PPA2: variants seen among roughly 807,000 people sequenced by gnomAD.
PPA2 encodes the protein inorganic pyrophosphatase 2.
PPA2 carries 48 observed loss-of-function variants against 49.5 expected under a neutral mutation model. The observed-to-expected ratio is 0.97, with a 90% confidence interval of 0.77 to 1.23. PPA2 has a LOEUF of 1.23. Ranked by LOEUF, PPA2 falls within the 50% of genes most tolerant of loss-of-function variation. The probability of loss-of-function intolerance (pLI) is 0.00; values close to 1 mark genes in which losing one functional copy is unlikely to be tolerated. For missense variants in PPA2, 429 were observed against 410.1 expected (o/e 1.05, Z -0.40); for synonymous variants, 131 against 139.9 (o/e 0.94, Z 0.45).
intron 9 of PPA2, among the ~76,000 whole-genome samples, chr4:105,388,467 G>C (rs1322281499): frequency 3.3e-5 from 5 of 152,032 alleles, no homozygotes; most frequent in Admixed American, 6.6e-5. Flanking sequence ...AAAATGTCTT[G>C]ACAAGTAACC....
Position 105,474,044 on chromosome 4 carries a change from C to T in PPA2, c.7G>A (p.Ala3Thr), listed in dbSNP as rs1213146574. Reference sequence around the variant, plus strand: ...CCCGTGCGCAGCAGCCGCAGCAGCGCGCTCATGGCGTCAATGACGGTCCTG... The same window carrying T: ...CCCGTGCGCAGCAGCCGCAGCAGCGTGCTCATGGCGTCAATGACGGTCCTG... MS[A>T]LLRLLRTGAP... is the part of the protein sequence containing the mutation. The change falls in exon 1 of 12, where the codon GCG (alanine) becomes ACG (threonine). Residue 3 changes from alanine to threonine, a missense_variant. Ala to Thr is a moderately conservative substitution (Grantham distance 58). Coordinates refer to ENST00000341695, the MANE Select transcript of PPA2 (RefSeq NM_176869.3). The T allele has an allele frequency of 3.2e-6, 5 of 1,584,708 alleles. No homozygotes were observed. The highest frequency in any genetic ancestry group is 1.4e-5 in the African/African-American group (1 of 73,958).
chr4:105,379,466 T>TAGATA (rs70964651), intron 10 of PPA2, among the ~76,000 whole-genome samples: 5,589 of 97,828 alleles, frequency 0.057, 119 homozygotes, highest in South Asian at 0.09. Context: ...GATAGATAGA[T>TAGATA]ATCTCAAGCA....
chr4:105,431,753 A>T (rs1307818693), intron 6 of PPA2, among the ~76,000 whole-genome samples: 2 of 152,234 alleles, frequency 1.3e-5, no homozygotes, highest in East Asian at 3.8e-4. Context: ...CAGCCATAAA[A>T]AGGAATGAAG....
Position 105,399,154 on chromosome 4 carries a change from A to G in PPA2, c.666T>C (p.Asp222=). The part of the protein sequence containing the change: ...PEASKFHDID[D]VKKFKPGYLE... The stretch of plus-strand genomic sequence containing the variant: ...GGTAACCCGGTTTGAACTTCTTAAC[A>G]TCATCAATATCTGTAAAGAAAAAAA... Residue 222 remains aspartate (D), a synonymous_variant, in exon 8 of 12, where the codon GAT becomes GAC. Transcript: ENST00000341695. The G allele has an allele frequency of 6.3e-7, 1 of 1,591,442 alleles. No individual in the cohort carries two copies. The highest frequency in any genetic ancestry group is 8.5e-7 in the Non-Finnish European group (1 of 1,173,896).
intron 4 of PPA2, 48 bp downstream of exon 4, chr4:105,449,302 A>T: frequency 1.8e-6 from 2 of 1,101,220 alleles, no homozygotes; most frequent in Non-Finnish European, 2.6e-6. Context: ...ACAAAGTTTT[A>T]TATCATTATA....
At chr4:105,440,335 C>T (rs1724292142) in intron 5 of PPA2, among the ~76,000 whole-genome samples, 1 of 151,794 alleles carries the variant, frequency 6.6e-6, no homozygotes, top group Non-Finnish European at 1.5e-5. Flanking sequence ...GATCTTGGCT[C>T]ACTGCAAGCT....
intron 10 of PPA2, among the ~76,000 whole-genome samples, chr4:105,385,962 C>A (rs1733663426): frequency 6.6e-6 from 1 of 150,722 alleles, no homozygotes; most frequent in Admixed American, 6.7e-5. Flanking sequence ...TCACTGCAAC[C>A]TTTGCCTCCC....
intron 10 of PPA2, among the ~76,000 whole-genome samples, chr4:105,376,343 T>G (rs1733250105): frequency 6.6e-6 from 1 of 152,208 alleles, no homozygotes. Flanking sequence ...TGGATACTGT[T>G]GCTTTACTGA....
intron 2 of PPA2, chr4:105,456,141 A>G (rs1722866206): frequency 2.4e-6 from 1 of 408,284 alleles, no homozygotes; most frequent in Non-Finnish European, 4.7e-6. Flanking sequence ...TTCAAACACC[A>G]CCATTTTTAC....
chr4:105,384,489 C>T (rs1312871270), intron 10 of PPA2, among the ~76,000 whole-genome samples: 1 of 152,094 alleles, frequency 6.6e-6, no homozygotes, highest in Non-Finnish European at 1.5e-5. Flanking sequence ...GAGCCTCTCG[C>T]TAATTTTAAG....
intron 9 of PPA2, among the ~76,000 whole-genome samples, chr4:105,395,987 G>A (rs555969079): frequency 2.0e-5 from 3 of 151,996 alleles, no homozygotes; most frequent in East Asian, 1.9e-4. Context: ...GAAAAATTGC[G>A]TTTTTCATCT....
At chr4:105,427,717 G>A (rs942017289) in intron 6 of PPA2, among the ~76,000 whole-genome samples, 18 of 152,318 alleles carry the variant, frequency 1.2e-4, no homozygotes, top group African/African-American at 3.8e-4. Context: ...CCAAAACTAC[G>A]TTTGATTGGT....
chr4:105,438,109 T>C lies in PPA2; in HGVS notation c.442-73A>G, dbSNP rs538394501. 34 of 1,072,298 alleles carry C rather than the reference T, an allele frequency of 3.2e-5. 1 individual carries two copies. In the East Asian group the frequency reaches 8.1e-4, roughly 25 times the overall value. The allele number at this position is 1,072,298 out of a possible 1,614,324, so 66.4% of individuals were successfully genotyped here. On this transcript the variant is annotated intron_variant, in intron 5 of 11. Transcript: ENST00000341695. The stretch of plus-strand genomic sequence containing the variant: ...AATGTACTTTAATCTTTCCACATAA[T>C]CACAAAGTTTTATAGATAACAATAA...
intron 7 of PPA2, among the ~76,000 whole-genome samples, chr4:105,417,972 A>G (rs1560621592): frequency 6.6e-6 from 1 of 152,200 alleles, no homozygotes; most frequent in Non-Finnish European, 1.5e-5. Context: ...ACCATGCCCC[A>G]TGCCCCATCC....
intron 3 of PPA2, 93 bp downstream of exon 3, chr4:105,453,505 A>T: frequency 1.0e-6 from 1 of 986,858 alleles, no homozygotes; most frequent in Non-Finnish European, 1.4e-6. Context: ...AGGGGTAAAA[A>T]CCTTAGAATC....
At chr4:105,379,258 T>C (rs1434740130) in intron 10 of PPA2, among the ~76,000 whole-genome samples, 2 of 152,070 alleles carry the variant, frequency 1.3e-5, no homozygotes, top group Non-Finnish European at 2.9e-5. Context: ...TTTTGTATTT[T>C]TGATACCATT....
At chr4:105,411,267 T>C (rs1722742945) in intron 7 of PPA2, among the ~76,000 whole-genome samples, 1 of 152,030 alleles carries the variant, frequency 6.6e-6, no homozygotes, top group Non-Finnish European at 1.5e-5. Context: ...TCCTAGTCTC[T>C]GATAAAAAAA....
intron 10 of PPA2, among the ~76,000 whole-genome samples, chr4:105,375,549 GAGA>G (rs1303787764): frequency 6.6e-6 from 1 of 152,056 alleles, no homozygotes; most frequent in African/African-American, 2.4e-5. Context: ...CTCTTTGATG[GAGA>G]TACAGCTTTG....
chr4:105,470,015 T>C (rs1174975405), intron 1 of PPA2, among the ~76,000 whole-genome samples: 1 of 152,222 alleles, frequency 6.6e-6, no homozygotes, highest in African/African-American at 2.4e-5. Context: ...AAAGAACTGC[T>C]TGGTTCATTC....
Sources: allele counts gnomAD v4.1 joint callset (sites outside exome capture counted in the v4.1 genomes callset), GRCh38; gene constraint gnomAD v4.1.1; transcripts MANE v1.5; gene names NCBI Gene and HGNC (gene_info 2026-07-23, HGNC 2026-07-21).